The following MYH7B variants were observed in gnomAD, a reference collection of about 807,000 sequenced individuals.
MYH7B encodes myosin heavy chain 7B, also known as myosin-7B.
In MYH7B, 205 loss-of-function variants were observed where a neutral mutation model predicts 234.5. The observed-to-expected ratio is 0.87, with a 90% CI of 0.78 to 0.98. MYH7B has a LOEUF of 0.98. MYH7B is among the 50% of genes least tolerant of loss of function. MYH7B has a pLI of 0.00. For synonymous variants in MYH7B, 1,193 were observed against 1,105.0 expected (o/e 1.08, Z -1.58); for missense variants, 2,652 against 2,633.4 (o/e 1.01, Z -0.15).
intron 2 of MYH7B, among the ~76,000 whole-genome samples, chr20:34,965,919 C>T (rs937386311): frequency 6.6e-6 from 1 of 152,148 alleles, no homozygotes; most frequent in Non-Finnish European, 1.5e-5. Context: ...GTTGGCAGGG[C>T]CAGGTCAGGC....
chr20:35,002,298 T>TC, exon 45 of MYH7B: 2 of 1,269,776 alleles, frequency 1.6e-6, no homozygotes, highest in South Asian at 1.6e-5. Context: ...CCTTCAGCCT[T>TC]CCCTGGGCCC....
At chr20:34,992,762 G>A (rs2082179223) in intron 24 of MYH7B, among the ~76,000 whole-genome samples, 1 of 152,018 alleles carries the variant, frequency 6.6e-6, no homozygotes, top group African/African-American at 2.4e-5. Context: ...TAGAGATAGG[G>A]TTTCACCATG....
At chr20:34,962,221 T>C (rs1035175045) in intron 2 of MYH7B, among the ~76,000 whole-genome samples, 1 of 152,120 alleles carries the variant, frequency 6.6e-6, no homozygotes, top group African/African-American at 2.4e-5. Context: ...AGCGAGACCC[T>C]GTCTCAAAAA....
At position 34,997,441 on chromosome 20, in the gene MYH7B, G is replaced by A. The variant is rs779672127; in HGVS notation, c.3548G>A (p.Arg1183Gln). The A allele has an allele frequency of 4.2e-5, 62 of 1,472,052 alleles. No individual in the cohort carries two copies. The highest frequency in any genetic ancestry group is 2.4e-4 in the Admixed American group (9 of 37,882). The allele number at this position is 1,472,052 out of a possible 1,614,324, so 91.2% of individuals were successfully genotyped here. The change falls in exon 32 of 45, where the codon CGG becomes CAG. Residue 1183 changes from arginine to glutamine, a missense_variant. Around this residue, in one of 3 missense-constraint regions of MYH7B, gnomAD observed 2,279 missense variants for 2,211.4 expected, o/e 1.03. Transcript: ENST00000262873. ...GAGGCGGAGCTGGGGAGGCTGCGGCGGGAGCTGGAGGAGGCGGCGCTGCGG... is the reference window on the plus strand; with the variant it reads ...GAGGCGGAGCTGGGGAGGCTGCGGCAGGAGCTGGAGGAGGCGGCGCTGCGG...
At chr20:34,998,729 C>A (rs750044568) in exon 35 of MYH7B, 8 of 1,611,398 alleles carry the variant, frequency 5.0e-6, no homozygotes, top group South Asian at 1.1e-5. Flanking sequence ...GCCAAGAGTG[C>A]CCTGGCCCAC....
At chr20:34,990,405 CTGT>C (rs753033016) in intron 22 of MYH7B, 95 bp downstream of exon 22, 34 of 1,322,584 alleles carry the variant, frequency 2.6e-5, no homozygotes, top group Non-Finnish European at 3.6e-5. Context: ...GGGCGGGCGG[CTGT>C]TAAGACTTGC....
At chr20:34,992,985 C>T (rs2147217284) in intron 24 of MYH7B, 117 bp from the exon 25 acceptor site, 1 of 1,330,046 alleles carries the variant, frequency 7.5e-7, no homozygotes. Context: ...TCGGAGAGGC[C>T]CAGGAACGAG....
At chr20:34,958,363 C>G (rs1433923212) in intron 2 of MYH7B, among the ~76,000 whole-genome samples, 151 bp downstream of exon 2, 3 of 152,214 alleles carry the variant, frequency 2.0e-5, no homozygotes, top group African/African-American at 7.2e-5. Flanking sequence ...TTTCTGCACT[C>G]TCTGCCTGGG....
chr20:34,984,177 T>A (rs1364753184), intron 10 of MYH7B, among the ~76,000 whole-genome samples: 1 of 152,222 alleles, frequency 6.6e-6, no homozygotes, highest in Non-Finnish European at 1.5e-5. Flanking sequence ...TTGTGCGCAC[T>A]GGTAGGTATA....
At chr20:34,960,428 G>A (rs899149417) in intron 2 of MYH7B, among the ~76,000 whole-genome samples, 1 of 152,090 alleles carries the variant, frequency 6.6e-6, no homozygotes, top group Non-Finnish European at 1.5e-5. Context: ...GTAGAGATGG[G>A]GTTTCACCGT....
At position 34,982,568 on chromosome 20, in the gene MYH7B, C is replaced by T; in HGVS notation, c.624+13C>T. On this transcript the variant is annotated intron_variant, in intron 10 of 44. Transcript: ENST00000262873. ...GGGCAAGAAGGCCGTAAGACTTGCC[C>T]ACTCGGGCATGCTCCCCGTTGCTTC... 1.3e-6 allele frequency: 2 copies of T among 1,573,786 alleles called. No homozygotes were observed. Among genetic ancestry groups the T allele is most frequent in the Middle Eastern group, 1.7e-4 (1 of 5,914 alleles).
intron 8 of MYH7B, 54 bp downstream of exon 8, chr20:34,980,788 A>G: frequency 6.3e-7 from 1 of 1,594,892 alleles, no homozygotes; most frequent in Non-Finnish European, 8.6e-7. Flanking sequence ...CGGTCCCGGG[A>G]GGCCTCTGTA....
At chr20:35,000,090 A>C (rs984733555) in intron 38 of MYH7B, among the ~76,000 whole-genome samples, 184 bp downstream of exon 38, 2 of 152,164 alleles carry the variant, frequency 1.3e-5, no homozygotes, top group Non-Finnish European at 2.9e-5. Context: ...GGGTGGAGCC[A>C]GTCAGTCCAC....
chr20:34,993,291 G>A, intron 25 of MYH7B, 43 bp from the exon 26 acceptor site: 1 of 1,614,044 alleles, frequency 6.2e-7, no homozygotes, highest in South Asian at 1.1e-5. Context: ...GGTTCATGCG[G>A]ATGGTTGGGG....
exon 45 of MYH7B, chr20:35,002,411 T>A (rs2082411521): frequency 1.2e-5 from 5 of 426,186 alleles, no homozygotes; most frequent in South Asian, 9.4e-5. Flanking sequence ...CAGTCATTTT[T>A]AAAATAAAGT....
At chr20:35,001,884 G>T in intron 43 of MYH7B, 64 bp from the exon 44 acceptor site, 1 of 1,567,362 alleles carries the variant, frequency 6.4e-7, no homozygotes, top group Non-Finnish European at 8.7e-7. Flanking sequence ...CTTGGACTGG[G>T]GCAGGGACCA....
intron 4 of MYH7B, 58 bp downstream of exon 4, chr20:34,977,738 G>GGGGGGGGGGGGGGGGGGGCGGCCCCC: frequency 3.2e-6 from 1 of 317,154 alleles, no homozygotes; most frequent in Non-Finnish European, 5.9e-6. Flanking sequence ...GGGCGGGTGG[G>GGGGGGGGGGGGGGGGGGGCGGCCCCC]TGAGGGTGCC....
chr20:34,988,229 T>C (rs762214879), exon 19 of MYH7B: 1 of 1,614,162 alleles, frequency 6.2e-7, no homozygotes, highest in South Asian at 1.1e-5. Flanking sequence ...ACTTCGGCCT[T>C]GACCTGCAGC....
Position 35,000,221 on chromosome 20 carries a change from A to G in MYH7B, c.4782-72A>G, listed in dbSNP as rs2082343185. The G allele has an allele frequency of 2.7e-6, 4 of 1,492,254 alleles. No homozygotes were observed. The East Asian group carries it at 6.8e-5, about 25-fold the overall frequency. The allele number at this position is 1,492,254 out of a possible 1,614,324, so 92.4% of individuals were successfully genotyped here. ...TGTTCTCAAAATGGGTTCGTTTCCA[A>G]CGGTCCTTGGGCATTTGTAAGGACA... On this transcript the variant is annotated intron_variant, in intron 38 of 44. Transcript: ENST00000262873.
Sources: allele counts gnomAD v4.1 joint callset (sites outside exome capture counted in the v4.1 genomes callset), GRCh38; gene constraint gnomAD v4.1.1; regional missense constraint gnomAD v4.1.1; transcripts MANE v1.5; gene names NCBI Gene and HGNC (gene_info 2026-07-23, HGNC 2026-07-21).